Variants in RNF216 observed in about 807,000 individuals in gnomAD.
The protein encoded by RNF216 is ring finger protein 216, also known as E3 ubiquitin-protein ligase RNF216.
In RNF216, 72 loss-of-function variants were observed where a neutral mutation model predicts 110.8. The observed-to-expected ratio is 0.65, with a 90% confidence interval of 0.54 to 0.79. RNF216 has a LOEUF of 0.79. Among genes scored for constraint, RNF216 ranks in the 30% least tolerant of loss-of-function variants. The pLI, the probability that RNF216 is intolerant of heterozygous loss-of-function variation, is 0.00. For synonymous variants in RNF216, 495 were observed against 407.5 expected (o/e 1.21, Z -2.59); for missense variants, 1,342 against 1,141.2 (o/e 1.18, Z -2.54).
Position 5,620,350 on chromosome 7 carries a change from G to A in RNF216, c.*2510C>T, listed in dbSNP as rs1012603201. On this transcript the variant is annotated 3_prime_UTR_variant, in exon 17 of 17. Transcript: ENST00000389902. The stretch of plus-strand genomic sequence containing the variant: ...CGGCAAGCCCTGCAGGGCAGAGAGA[G>A]GGAGCCAGCTGCCTCAGGGTTGCCT... 6.6e-6 allele frequency: 1 copy of A among 152,258 alleles called. No individual in the cohort carries two copies. Among genetic ancestry groups the A allele is most frequent in the Non-Finnish European group, 1.5e-5 (1 of 68,050 alleles). 9.4% of individuals were successfully genotyped at this position (152,258 alleles called of 1,614,324 possible). A position where few individuals can be genotyped will look rare whatever the true frequency, so the allele number is the denominator to read the frequency against.
chr7:5,667,968 C>T (rs1789636667), intron 13 of RNF216, among the ~76,000 whole-genome samples: 1 of 152,176 alleles, frequency 6.6e-6, no homozygotes, highest in Non-Finnish European at 1.5e-5. Context: ...GGGTACAGCG[C>T]AGCTTCAAGC....
At chr7:5,698,246 C>T (rs540335629) in intron 13 of RNF216, among the ~76,000 whole-genome samples, 3 of 152,152 alleles carry the variant, frequency 2.0e-5, no homozygotes, top group Non-Finnish European at 4.4e-5. Flanking sequence ...TGCAGCTGGA[C>T]TGCATGTAAG....
chr7:5,672,187 G>C (rs1405360057), intron 13 of RNF216, among the ~76,000 whole-genome samples: 2 of 152,196 alleles, frequency 1.3e-5, no homozygotes, highest in Non-Finnish European at 2.9e-5. Context: ...ATGGAAAGCA[G>C]GCTGTAGAGA....
chr7:5,674,158 T>G (rs1790113879), intron 13 of RNF216, among the ~76,000 whole-genome samples: 1 of 151,840 alleles, frequency 6.6e-6, no homozygotes, highest in Non-Finnish European at 1.5e-5. Flanking sequence ...GCCTCCTGAA[T>G]AGCTGGGATT....
chr7:5,657,124 C>T (rs1325737115), intron 13 of RNF216, among the ~76,000 whole-genome samples: 1 of 152,256 alleles, frequency 6.6e-6, no homozygotes, highest in Non-Finnish European at 1.5e-5. Flanking sequence ...GTACAAACTG[C>T]TCCCTTACTT....
At position 5,741,624 on chromosome 7, in the gene RNF216, G is replaced by A. The variant is rs374367071; in HGVS notation, c.393C>T (p.Tyr131=). The A allele has an allele frequency of 2.4e-5, 38 of 1,614,110 alleles. No homozygotes were observed. The East Asian group carries it at 4.7e-4, about 20-fold the overall frequency. ...SGAQDDSEDD[Y]GEFLDLGPPG... ...GAGGCCCAAGATCCAGAAATTCACC[G>A]TAGTCATCCTCAGAATCATCCTGTG... Residue 131 remains tyrosine, a synonymous_variant, in exon 4 of 17, where the codon TAC becomes TAT. Coordinates refer to ENST00000389902, the MANE Select transcript of RNF216 (RefSeq NM_207111.4).
chr7:5,651,715 C>T (rs987674035), intron 14 of RNF216, among the ~76,000 whole-genome samples: 1 of 151,002 alleles, frequency 6.6e-6, no homozygotes, highest in Admixed American at 6.6e-5. Flanking sequence ...CTGGCGCAAT[C>T]TTGGCTCACT....
chr7:5,706,891 T>C (rs537882825), intron 13 of RNF216, among the ~76,000 whole-genome samples: 2 of 152,388 alleles, frequency 1.3e-5, no homozygotes, highest in South Asian at 4.1e-4. Context: ...CTAGTTTTTA[T>C]AGTTTCAGGT....
At chr7:5,721,301 C>T (rs1793410904) in intron 8 of RNF216, 129 bp from the exon 9 acceptor site, 2 of 795,106 alleles carry the variant, frequency 2.5e-6, no homozygotes, top group African/African-American at 3.4e-5. Flanking sequence ...ACTTTTCTAT[C>T]ACATTCTACC....
rs962101384 is a variant in RNF216, at chr7:5,631,196, G to A, written c.2383-7071C>T. Among the ~76,000 whole-genome samples the A allele has an allele frequency of 2.6e-5, 4 of 152,146 alleles. No homozygotes were observed. In the East Asian group the frequency reaches 7.7e-4, roughly 29 times the overall value. On this transcript the variant is annotated intron_variant, in intron 15 of 16. Transcript: ENST00000389902. ...AACGCAGAGCAAGGGGCTGTGTTTTGGAAATTTTTAGGGAACAATCCTCCT... is the reference window on the plus strand; with the variant it reads ...AACGCAGAGCAAGGGGCTGTGTTTTAGAAATTTTTAGGGAACAATCCTCCT...
At chr7:5,730,913 A>G (rs1794049903) in intron 5 of RNF216, 96 bp from the exon 6 acceptor site, 1 of 1,510,340 alleles carries the variant, frequency 6.6e-7, no homozygotes, top group Non-Finnish European at 9.0e-7. Flanking sequence ...GTCCTTAGTC[A>G]CACATTACAA....
intron 14 of RNF216, among the ~76,000 whole-genome samples, chr7:5,645,181 G>A (rs1033049120): frequency 6.6e-6 from 1 of 152,030 alleles, no homozygotes; most frequent in South Asian, 2.1e-4. Flanking sequence ...CTTTGGTCTT[G>A]AACAGTTTGA....
At chr7:5,644,587 C>A (rs928344405) in intron 14 of RNF216, among the ~76,000 whole-genome samples, 1 of 151,822 alleles carries the variant, frequency 6.6e-6, no homozygotes, top group Non-Finnish European at 1.5e-5. Context: ...CTCACTGCAA[C>A]TTCCGCCTCC....
chr7:5,776,477 C>G (rs1796781180), intron 1 of RNF216, among the ~76,000 whole-genome samples: 1 of 150,790 alleles, frequency 6.6e-6, no homozygotes, highest in Non-Finnish European at 1.5e-5. Flanking sequence ...CGCCTGTAGT[C>G]CTAGCTACTC....
chr7:5,774,382 T>C (rs1024191098), intron 1 of RNF216, among the ~76,000 whole-genome samples: 1 of 152,168 alleles, frequency 6.6e-6, no homozygotes, highest in Non-Finnish European at 1.5e-5. Context: ...ATGCTGCAAG[T>C]AAGCTATGAT....
At position 5,708,672 on chromosome 7, in the gene RNF216, G is replaced by C. The variant is rs142622230; in HGVS notation, c.2061+3089C>G. On this transcript the variant is annotated intron_variant, in intron 13 of 16. Coordinates refer to ENST00000389902, the MANE Select transcript of RNF216 (RefSeq NM_207111.4). ...TTTGTTTTCCTTTTTTCAGGAGCTTGCAAGCTCTTGCTTCTTCTGGTGCCT... is the reference window on the plus strand; with the variant it reads ...TTTGTTTTCCTTTTTTCAGGAGCTTCCAAGCTCTTGCTTCTTCTGGTGCCT... Among the ~76,000 whole-genome samples the C allele has an allele frequency of 3.8e-3, 577 of 152,258 alleles. 3 individuals are homozygous for C. The highest frequency in any genetic ancestry group is 0.013 in the African/African-American group (557 of 41,542).
chr7:5,728,063 G>C (rs1267917799), intron 7 of RNF216, among the ~76,000 whole-genome samples: 1 of 151,936 alleles, frequency 6.6e-6, no homozygotes, highest in African/African-American at 2.4e-5. Flanking sequence ...GGCAACCAAC[G>C]TTTCCCAGAC....
At position 5,727,943 on chromosome 7, in the gene RNF216, T is replaced by TA. The variant is rs1185313092; in HGVS notation, c.1389+1488dup. Reference sequence around the variant, plus strand: ...CTATCACCATAAAACCCAAGGAGATTAAAAAAAAAAATCCTATCTACAGTC... The same window carrying TA: ...CTATCACCATAAAACCCAAGGAGATTAAAAAAAAAAAATCCTATCTACAGTC... On this transcript the variant is annotated intron_variant, in intron 7 of 16. Coordinates refer to ENST00000389902, the MANE Select transcript of RNF216 (RefSeq NM_207111.4). Among the ~76,000 whole-genome samples the TA allele has an allele frequency of 4.4e-3, 646 of 147,094 alleles. 3 individuals are homozygous for TA. Among genetic ancestry groups the TA allele is most frequent in the African/African-American group, 0.015 (591 of 40,288 alleles).
At chr7:5,743,858 C>T (rs924335513) in intron 3 of RNF216, among the ~76,000 whole-genome samples, 9 of 152,140 alleles carry the variant, frequency 5.9e-5, no homozygotes, top group African/African-American at 9.7e-5. Context: ...TGAATCGCAG[C>T]GTGGAGAGTT....
Sources: allele counts gnomAD v4.1 joint callset (sites outside exome capture counted in the v4.1 genomes callset), GRCh38; gene constraint gnomAD v4.1.1; transcripts MANE v1.5; gene names NCBI Gene and HGNC (gene_info 2026-07-23, HGNC 2026-07-21).